The following FSCN2 variants were observed in gnomAD, a reference collection of about 807,000 sequenced individuals.
FSCN2 encodes fascin-2.
Under a neutral mutation model 37.8 loss-of-function variants are expected in FSCN2, and 46 were observed. The ratio of observed to expected loss-of-function variants is 1.22; its 90% confidence interval spans 0.96 to 1.56. The LOEUF (loss-of-function observed/expected upper bound fraction) is 1.56, where lower values mean the gene tolerates loss of function less well. Among genes scored for constraint, FSCN2 ranks in the 40% most tolerant of loss-of-function variants. The pLI is 0.00. For synonymous variants in FSCN2, 351 were observed against 309.4 expected, an observed-to-expected ratio of 1.13 and a Z score of -1.41; for missense variants, 844 against 730.4, an observed-to-expected ratio of 1.16 and a Z score of -1.79.
intron 1 of FSCN2, among the ~76,000 whole-genome samples, chr17:81,532,448 G>GAT (rs1568079384): frequency 1.3e-4 from 12 of 89,750 alleles, no homozygotes; most frequent in Non-Finnish European, 3.5e-4. Context: ...TGATGATGAT[G>GAT]GTGATGGTGG....
intron 1 of FSCN2, among the ~76,000 whole-genome samples, chr17:81,534,595 G>A (rs934669041): frequency 6.6e-6 from 1 of 151,912 alleles, no homozygotes; most frequent in Admixed American, 6.5e-5. Context: ...CTGCAGAGGT[G>A]ACAGGGACCA....
chr17:81,518,153 C>T, the FSCN2 span, among the ~76,000 whole-genome samples: 4 of 152,144 alleles, frequency 2.6e-5, no homozygotes, highest in Non-Finnish European at 5.9e-5. Flanking sequence ...TCCACTCCTT[C>T]AGCGCCCTGA....
At chr17:81,523,069 G>A in the FSCN2 span, among the ~76,000 whole-genome samples, 1 of 152,190 alleles carries the variant, frequency 6.6e-6, no homozygotes, top group East Asian at 1.9e-4. Flanking sequence ...TCCCCTTCCA[G>A]GCACAGCCCC....
At chr17:81,523,024 G>C in the FSCN2 span, among the ~76,000 whole-genome samples, 13 of 152,288 alleles carry the variant, frequency 8.5e-5, no homozygotes, top group Non-Finnish European at 1.5e-4. Context: ...GGGGTCCAGA[G>C]TTTTCTGGCA....
chr17:81,531,294 G>GTGA (rs1568077048), intron 1 of FSCN2, among the ~76,000 whole-genome samples: 2,197 of 57,482 alleles, frequency 0.038, 160 homozygotes, highest in African/African-American at 0.12. Context: ...GGTGATGGTG[G>GTGA]TGATGGTGAT....
At chr17:81,532,521 G>GTGATGA (rs377396049) in intron 1 of FSCN2, among the ~76,000 whole-genome samples, 4 of 132,402 alleles carry the variant, frequency 3.0e-5, no homozygotes, top group African/African-American at 9.7e-5. Context: ...GGTGACGATG[G>GTGATGA]TGATGATGAT....
At chr17:81,524,917 A>ACACACACACC (rs1382924835), upstream of FSCN2, among the ~76,000 whole-genome samples, 14 of 149,660 alleles carry the variant, frequency 9.4e-5, no homozygotes, top group Admixed American at 4.7e-4. Flanking sequence ...ACACACACAC[A>ACACACACACC]CACCACACTC....
Position 81,535,311 on chromosome 17 carries a change from ACCCCCACCC to A in FSCN2, c.983+106_983+114del, listed in dbSNP as rs1372812916. 2.9e-5 allele frequency: 14 copies of A among 482,994 alleles called. 1 individual carries two copies. The highest frequency in any genetic ancestry group is 1.1e-4 in the African/African-American group (2 of 18,488). 29.9% of individuals were successfully genotyped at this position (482,994 alleles called of 1,614,324 possible). A position where few individuals can be genotyped will look rare whatever the true frequency, so the allele number is the denominator to read the frequency against. On this transcript the variant is annotated intron_variant, in intron 2 of 4. Coordinates refer to ENST00000417245, the MANE Select transcript of FSCN2 (RefSeq NM_012418.4). ...CCGCATCCCCATCTCCATCCCCACCACCCCCACCCCCACCAGCCCCATCCCCATGACCAC... is the reference window on the plus strand; with the variant it reads ...CCGCATCCCCATCTCCATCCCCACCACCACCAGCCCCATCCCCATGACCAC...
At chr17:81,535,952 G>A (rs924375634) in intron 2 of FSCN2, among the ~76,000 whole-genome samples, 194 bp from the exon 3 acceptor site, 4 of 149,274 alleles carry the variant, frequency 2.7e-5, no homozygotes, top group African/African-American at 7.5e-5. Flanking sequence ...TCACTGCCTC[G>A]GCCATGAGGA....
chr17:81,520,105 C>T, the FSCN2 span, among the ~76,000 whole-genome samples: 4 of 152,228 alleles, frequency 2.6e-5, no homozygotes, highest in Admixed American at 2.6e-4. Context: ...CCGCCCCAGA[C>T]CTGTGTCCCA....
intron 2 of FSCN2, 85 bp from the exon 3 acceptor site, chr17:81,536,061 C>A: frequency 6.6e-7 from 1 of 1,519,852 alleles, no homozygotes; most frequent in Non-Finnish European, 8.9e-7. Flanking sequence ...TGTCCCACTC[C>A]TTGGAACCTG....
At chr17:81,530,480 C>G (rs1461143356) in intron 1 of FSCN2, 1 of 402,848 alleles carries the variant, frequency 2.5e-6, no homozygotes, top group African/African-American at 2.2e-5. Flanking sequence ...TCACTACCCA[C>G]CTGGGCTCCT....
chr17:81,529,458 G>A lies in FSCN2; in HGVS notation c.826+101G>A, dbSNP rs530806395. 45 of 941,154 alleles carry A rather than the reference G, an allele frequency of 4.8e-5. No individual in the cohort carries two copies. In the East Asian group the frequency reaches 1.1e-3, roughly 22 times the overall value. The allele number at this position is 941,154 out of a possible 1,614,324, so 58.3% of individuals were successfully genotyped here. On this transcript the variant is annotated intron_variant, in intron 1 of 4. Coordinates refer to ENST00000417245, the MANE Select transcript of FSCN2 (RefSeq NM_012418.4). ...TCACGGGGAGTGGTATCGTGTCTGT[G>A]CGTTCACATGTCTGTTCTGGGCTGG... is the stretch of plus-strand genomic sequence containing the variant.
At chr17:81,518,496 G>A in the FSCN2 span, among the ~76,000 whole-genome samples, 1 of 152,140 alleles carries the variant, frequency 6.6e-6, no homozygotes, top group African/African-American at 2.4e-5. Flanking sequence ...GCAGAGGAAG[G>A]CTAGGCCGAT....
intron 1 of FSCN2, among the ~76,000 whole-genome samples, chr17:81,531,297 ATGGTGATGGTGGTGG>A (rs2032558487): frequency 2.3e-5 from 1 of 44,336 alleles, no homozygotes; most frequent in East Asian, 7.5e-4. Flanking sequence ...GATGGTGGTG[ATGGTGATGGTGGTGG>A]TGGTGATGAT....
In FSCN2 at chr17:81,536,623, C is replaced by G. The variant is rs1056000539; in HGVS notation, c.1107C>G (p.Gly369=). 1 of 1,609,006 alleles carries G rather than the reference C, an allele frequency of 6.2e-7. No homozygotes were observed. Among genetic ancestry groups the G allele is most frequent in the African/African-American group, 1.3e-5 (1 of 74,906 alleles). The part of the protein sequence containing the change: ...GQLAAISDFV[G]KDEEFTLKLI... ...CGCAGCAGACGCTCTCCCCGCCAGG[C>G]AAGGACGAAGAGTTCACCCTCAAGC... The change falls in exon 4 of 5, where the codon GGC becomes GGG. Residue 369 remains glycine (G), a splice_region_variant and synonymous_variant. Transcript: ENST00000417245.
the FSCN2 span, among the ~76,000 whole-genome samples, chr17:81,520,764 G>T: frequency 3.3e-5 from 5 of 152,238 alleles, no homozygotes; most frequent in Non-Finnish European, 5.9e-5. Context: ...TTTCCTTGCT[G>T]ATCTAAAACT....
the FSCN2 span, among the ~76,000 whole-genome samples, chr17:81,522,907 C>T: frequency 6.6e-6 from 1 of 152,228 alleles, no homozygotes; most frequent in South Asian, 2.1e-4. Context: ...GGTCCTGGGG[C>T]TCAGGGGTTG....
In FSCN2 at chr17:81,536,565, C is replaced by T. The variant is rs769902092; in HGVS notation, c.1106-57C>T. The T allele has an allele frequency of 5.0e-6, 8 of 1,596,924 alleles. No homozygotes were observed. The highest frequency in any genetic ancestry group is 3.4e-5 in the Admixed American group (2 of 59,248). On this transcript the variant is annotated intron_variant, in intron 3 of 4. Transcript: ENST00000417245. ...CGTTTCCCAGGGCCCCCACCCCGCCCGGCCTGGACAGGGAAGGTGGCGGGA... is the reference window on the plus strand; with the variant it reads ...CGTTTCCCAGGGCCCCCACCCCGCCTGGCCTGGACAGGGAAGGTGGCGGGA...
Sources: allele counts gnomAD v4.1 joint callset (sites outside exome capture counted in the v4.1 genomes callset), GRCh38; gene constraint gnomAD v4.1.1; transcripts MANE v1.5; gene names NCBI Gene and HGNC (gene_info 2026-07-23, HGNC 2026-07-21).